WDR41: variants seen among roughly 807,000 people sequenced by gnomAD.
The protein encoded by WDR41 is WD repeat domain 41, also known as WD repeat-containing protein 41.
In WDR41, 63 loss-of-function variants were observed where a neutral mutation model predicts 69.3. That is an observed-to-expected ratio of 0.91 (90% CI 0.74 to 1.12). WDR41 has a LOEUF of 1.12. WDR41 is among the 50% of genes most tolerant of loss of function. The pLI is 0.00. For synonymous variants in WDR41, 185 were observed against 192.1 expected, an observed-to-expected ratio of 0.96 and a Z score of 0.31; for missense variants, 543 against 534.5, an observed-to-expected ratio of 1.02 and a Z score of -0.16.
At chr5:77,519,825 T>C (rs1403186755) in intron 1 of WDR41, among the ~76,000 whole-genome samples, 3 of 151,664 alleles carry the variant, frequency 2.0e-5, no homozygotes, top group African/African-American at 7.3e-5. Context: ...ACAGGAAGGC[T>C]ACTAGATTCA....
chr5:77,531,950 G>A (rs1330159870), intron 1 of WDR41, among the ~76,000 whole-genome samples: 1 of 151,964 alleles, frequency 6.6e-6, no homozygotes, highest in Non-Finnish European at 1.5e-5. Flanking sequence ...GGACTAGGGG[G>A]AGGGAAGAAT....
intron 10 of WDR41, among the ~76,000 whole-genome samples, chr5:77,437,823 G>A (rs1294482620): frequency 6.6e-6 from 1 of 152,086 alleles, no homozygotes; most frequent in East Asian, 1.9e-4. Context: ...TAGAAGCTCA[G>A]CAGCAAATCT....
intron 9 of WDR41, 78 bp from the exon 10 acceptor site, chr5:77,438,439 G>T: frequency 1.3e-6 from 2 of 1,560,386 alleles, no homozygotes; most frequent in Non-Finnish European, 1.7e-6. Flanking sequence ...GCCCTCATGT[G>T]ACATCAGAAA....
At chr5:77,516,460 A>G (rs986822497) in intron 1 of WDR41, among the ~76,000 whole-genome samples, 2 of 152,218 alleles carry the variant, frequency 1.3e-5, no homozygotes, top group African/African-American at 4.8e-5. Context: ...TCCGTTGAGA[A>G]TAGATTTAGC....
intron 1 of WDR41, among the ~76,000 whole-genome samples, chr5:77,511,472 A>G (rs1160541604): frequency 6.6e-6 from 1 of 152,220 alleles, no homozygotes; most frequent in Non-Finnish European, 1.5e-5. Flanking sequence ...GAAATCCACC[A>G]TAACATATTC....
intron 1 of WDR41, among the ~76,000 whole-genome samples, chr5:77,603,241 C>T (rs369015767): frequency 1.3e-5 from 2 of 152,220 alleles, no homozygotes; most frequent in African/African-American, 4.8e-5. Flanking sequence ...CAGCCCTTGT[C>T]TTTTTAATAA....
intron 2 of WDR41, among the ~76,000 whole-genome samples, chr5:77,483,355 C>T (rs1312037027): frequency 6.6e-6 from 1 of 151,980 alleles, no homozygotes; most frequent in Non-Finnish European, 1.5e-5. Flanking sequence ...CCCACGCTAG[C>T]CTCAAACTCC....
In WDR41 at chr5:77,463,181, T is replaced by A. The variant is rs575888028; in HGVS notation, c.262A>T (p.Thr88Ser). ...AAGGAAGGAAATGTAATAATAGCTG[T>A]TATCTTTTGAGTGTGTCCATTCAGT... is the stretch of plus-strand genomic sequence containing the variant. Reference protein sequence around the residue: ...LELNGHTQKITAIITFPSLES... With the variant: ...LELNGHTQKISAIITFPSLES... Residue 88 changes from threonine to serine, a missense_variant, in exon 4 of 13, where the codon ACA (threonine) becomes TCA (serine). Physicochemically the swap from Thr to Ser is moderately conservative, Grantham distance 58. Coordinates refer to ENST00000296679, the MANE Select transcript of WDR41 (RefSeq NM_018268.4). 4 of 1,612,910 alleles carry A rather than the reference T, an allele frequency of 2.5e-6. No individual in the cohort carries two copies. In the African/African-American group the frequency reaches 5.3e-5, roughly 22 times the overall value.
chr5:77,480,236 C>A (rs1335293663), intron 2 of WDR41: 1 of 152,114 alleles, frequency 6.6e-6, no homozygotes, highest in Non-Finnish European at 1.5e-5. Context: ...GGACTGTAAA[C>A]TAGTTCAACC....
intron 1 of WDR41, among the ~76,000 whole-genome samples, chr5:77,548,516 CAT>C (rs138429994): frequency 0.13 from 19,746 of 152,170 alleles, 1,505 homozygotes; most frequent in South Asian, 0.25. Flanking sequence ...GGCCAACAAA[CAT>C]GTGAAAAAAT....
intron 1 of WDR41, among the ~76,000 whole-genome samples, chr5:77,605,876 A>G (rs866058386): frequency 6.6e-6 from 1 of 152,142 alleles, no homozygotes; most frequent in South Asian, 2.1e-4. Context: ...CTTTATACCT[A>G]TATCATGGAA....
At position 77,590,195 on chromosome 5, in the gene WDR41, T is replaced by G. The variant is rs1054761044; in HGVS notation, c.42+30284A>C. 3.9e-5 allele frequency among the ~76,000 whole-genome samples: 6 copies of G among 152,306 alleles called. No homozygotes were observed. The South Asian group carries it at 1.2e-3, about 32-fold the overall frequency. On this transcript the variant is annotated intron_variant, in intron 1 of 5. Transcript: ENST00000509971. Reference sequence around the variant, plus strand: ...ATAAACCCAACTTGATTGTGGTATATTATCAGTTTTATAGATAGCTGGATT... The same window carrying G: ...ATAAACCCAACTTGATTGTGGTATAGTATCAGTTTTATAGATAGCTGGATT...
intron 1 of WDR41, among the ~76,000 whole-genome samples, chr5:77,612,330 G>T (rs1166168836): frequency 3.9e-5 from 6 of 152,166 alleles, no homozygotes; most frequent in Middle Eastern, 6.8e-3. Context: ...ACCAGGCAGA[G>T]ACACAACCAA....
chr5:77,614,708 T>G, intron 1 of WDR41, among the ~76,000 whole-genome samples: 1 of 147,066 alleles, frequency 6.8e-6, no homozygotes, highest in Non-Finnish European at 1.5e-5. Flanking sequence ...TAATGACGCG[T>G]TAATGGGTGC....
At chr5:77,582,712 C>A (rs1287240931) in intron 1 of WDR41, 8 of 1,592,014 alleles carry the variant, frequency 5.0e-6, no homozygotes, top group Non-Finnish European at 6.8e-6. Context: ...GCAGCTTCTT[C>A]GCCTTCGTCA....
At chr5:77,594,996 C>T (rs4642351) in intron 1 of WDR41, among the ~76,000 whole-genome samples, 17,413 of 152,018 alleles carry the variant, frequency 0.11, 1,504 homozygotes, top group African/African-American at 0.21. Flanking sequence ...GATGAGGAAA[C>T]GAGGGTTTAT....
intron 2 of WDR41, among the ~76,000 whole-genome samples, chr5:77,475,218 A>G (rs1800851226): frequency 6.6e-6 from 1 of 152,184 alleles, no homozygotes; most frequent in Non-Finnish European, 1.5e-5. Context: ...ATCAAACTGC[A>G]AGGCAGCAGC....
In WDR41 at chr5:77,574,299, AAATAAATAAAT is replaced by A. The variant is rs556688271; in HGVS notation, c.42+46169_42+46179del. On this transcript the variant is annotated intron_variant, in intron 1 of 5. Transcript: ENST00000509971. ...GGCAACAGAGCGAGACTCCATCTCAAAATAAATAAATAATAAATAAATAAATAAATAAAATT... is the reference window on the plus strand; with the variant it reads ...GGCAACAGAGCGAGACTCCATCTCAAAATAAATAAATAAATAAATAAAATT... Among the ~76,000 whole-genome samples the A allele has an allele frequency of 9.0e-4, 137 of 152,152 alleles. 1 individual carries two copies. Among genetic ancestry groups the A allele is most frequent in the South Asian group, 7.9e-3 (38 of 4,816 alleles).
In WDR41 at chr5:77,557,997, G is replaced by A. The variant is rs952297033; in HGVS notation, c.42+62482C>T. On this transcript the variant is annotated intron_variant, in intron 1 of 5. Transcript: ENST00000509971. ...AAGAAAAAATGTGGCAATGCAGTGA[G>A]TAAGAACAAGCAAATAAAAACCCCA... is the stretch of plus-strand genomic sequence containing the variant. Among the ~76,000 whole-genome samples the A allele has an allele frequency of 2.7e-5, 4 of 149,122 alleles. No homozygotes were observed. The Admixed American group carries it at 2.7e-4, about 10-fold the overall frequency.
Sources: allele counts gnomAD v4.1 joint callset (sites outside exome capture counted in the v4.1 genomes callset), GRCh38; gene constraint gnomAD v4.1.1; transcripts MANE v1.5; gene names NCBI Gene and HGNC (gene_info 2026-07-23, HGNC 2026-07-21).